TAF8: variants seen among roughly 807,000 people sequenced by gnomAD.
TAF8 encodes TATA-box binding protein associated factor 8.
Under a neutral mutation model 36.5 loss-of-function variants are expected in TAF8, and 47 were observed. The observed-to-expected ratio is 1.29, with a 90% CI of 1.02 to 1.64. The LOEUF is 1.64. Ranked by LOEUF, TAF8 falls within the 40% of genes most tolerant of loss-of-function variation. TAF8 has a pLI of 0.00. For missense variants in TAF8, 420 were observed against 407.6 expected (o/e 1.03, Z -0.26); for synonymous variants, 175 against 159.5 (o/e 1.10, Z -0.73).
At chr6:42,057,313 G>T in intron 4 of TAF8, 76 bp from the exon 5 acceptor site, 3 of 1,587,604 alleles carry the variant, frequency 1.9e-6, no homozygotes, top group Non-Finnish European at 2.6e-6. Flanking sequence ...GAGAAAAGGA[G>T]GCTTTGGGGA....
At position 42,077,881 on chromosome 6, in the gene TAF8, C is replaced by T. The variant is rs900236916; in HGVS notation, c.*336C>T. ...AAGTGATTCTCCTGCCTTGGCCTCC[C>T]GAGTAGCTGGGACTAGAGGCAAGCG... On this transcript the variant is annotated 3_prime_UTR_variant, in exon 9 of 9. Transcript: ENST00000372977. The T allele has an allele frequency of 5.5e-5, 29 of 525,110 alleles. No individual in the cohort carries two copies. Among genetic ancestry groups the T allele is most frequent in the Non-Finnish European group, 7.6e-5 (28 of 368,610 alleles). The allele number at this position is 525,110 out of a possible 1,614,324, so 32.5% of individuals were successfully genotyped here. A position where few individuals can be genotyped will look rare whatever the true frequency, so the allele number is the denominator to read the frequency against.
At chr6:42,074,262 TTAGGTGCCTGAAGTC>T (rs1199235751) in intron 7 of TAF8, among the ~76,000 whole-genome samples, 4 of 152,100 alleles carry the variant, frequency 2.6e-5, no homozygotes, top group Admixed American at 1.3e-4. Flanking sequence ...CAATTCAGAC[TTAGGTGCCTGAAGTC>T]TGAACTGCCT....
intron 2 of TAF8, 32 bp downstream of exon 2, chr6:42,051,545 C>G: frequency 6.2e-7 from 1 of 1,606,914 alleles, no homozygotes; most frequent in South Asian, 1.1e-5. Flanking sequence ...GCCTTGGAGT[C>G]AACCCCAACA....
intron 5 of TAF8, among the ~76,000 whole-genome samples, chr6:42,060,583 C>G (rs1328776389): frequency 6.6e-6 from 1 of 152,080 alleles, no homozygotes; most frequent in Non-Finnish European, 1.5e-5. Flanking sequence ...GGTTCCTGAG[C>G]CTGTTTGAAA....
chr6:42,052,328 C>CCCT (rs1491236570), intron 2 of TAF8, among the ~76,000 whole-genome samples: 16 of 101,482 alleles, frequency 1.6e-4, no homozygotes, highest in Middle Eastern at 4.7e-3. Context: ...CCCCCCCCCC[C>CCCT]TTTTTTTTTT....
chr6:42,057,232 C>T (rs1282450473), intron 4 of TAF8, among the ~76,000 whole-genome samples, 157 bp from the exon 5 acceptor site: 1 of 152,178 alleles, frequency 6.6e-6, no homozygotes, highest in East Asian at 1.9e-4. Flanking sequence ...CATTGTAAGC[C>T]ATCAAAGACC....
At chr6:42,058,253 A>G (rs1276693228) in intron 5 of TAF8, among the ~76,000 whole-genome samples, 2 of 152,162 alleles carry the variant, frequency 1.3e-5, no homozygotes, top group Non-Finnish European at 2.9e-5. Flanking sequence ...GCGTGGTGGC[A>G]CATACCTGTA....
In TAF8 at chr6:42,078,268, AT is replaced by A; in HGVS notation, c.*725del. The A allele has an allele frequency of 1.0e-6, 1 of 985,500 alleles. No homozygotes were observed. 61.0% of individuals were successfully genotyped at this position (985,500 alleles called of 1,614,324 possible). The stretch of plus-strand genomic sequence containing the variant: ...ACTTCGTTCATTATCACAGGATTTG[AT>A]TCCTTTGAAACTCAAGAGACCAGGG... On this transcript the variant is annotated 3_prime_UTR_variant, in exon 9 of 9. Transcript: ENST00000372977.
Position 42,077,442 on chromosome 6 carries a change from A to G in TAF8, c.921-91A>G. Reference sequence around the variant, plus strand: ...TGGTTGAGTGTCCTGCAGTCTAGGGACCAACCCTCACAGCACTGGAGCAGT... The same window carrying G: ...TGGTTGAGTGTCCTGCAGTCTAGGGGCCAACCCTCACAGCACTGGAGCAGT... On this transcript the variant is annotated intron_variant, in intron 8 of 8. Coordinates refer to ENST00000372977, the MANE Select transcript of TAF8 (RefSeq NM_138572.3). The G allele has an allele frequency of 5.1e-6, 8 of 1,577,890 alleles. No individual in the cohort carries two copies. The South Asian group carries it at 9.2e-5, about 18-fold the overall frequency.
rs1765361444 is a variant in TAF8 at position 42,066,379 on chromosome 6, T to C, written c.557T>C (p.Val186Ala). The change falls in exon 6 of 9, where the codon GTG becomes GCG. Residue 186 changes from valine (V) to alanine (A), a missense_variant. Physicochemically the swap from Val to Ala is moderately conservative, Grantham distance 64. Transcript: ENST00000372977. The part of the protein sequence containing the change: ...REKAASQRRD[V>A]ERALTRFMAK... ...AAGGCTGCATCCCAGAGGCGCGATG[T>C]GGAGCGGGCACTTACCCGTTTCATG... 1.2e-6 allele frequency: 2 copies of C among 1,614,246 alleles called. No homozygotes were observed. Among genetic ancestry groups the C allele is most frequent in the East Asian group, 4.5e-5 (2 of 44,888 alleles).
chr6:42,057,663 T>A, intron 5 of TAF8, 150 bp downstream of exon 5: 1 of 1,098,320 alleles, frequency 9.1e-7, no homozygotes, highest in Non-Finnish European at 1.3e-6. Flanking sequence ...CTCACACCTG[T>A]AATCCCAGCA....
At chr6:42,060,492 G>A (rs12214487) in intron 5 of TAF8, among the ~76,000 whole-genome samples, 12,376 of 152,160 alleles carry the variant, frequency 0.081, 625 homozygotes, top group East Asian at 0.15. Context: ...TTTAAAAGCC[G>A]AGCCCAGCCA....
At chr6:42,050,647 T>C (rs1416842065) in intron 1 of TAF8, 61 bp downstream of exon 1, 1 of 1,497,544 alleles carries the variant, frequency 6.7e-7, no homozygotes, top group Non-Finnish European at 9.0e-7. Flanking sequence ...AACTTTCCCC[T>C]CGACTGAGCA....
intron 7 of TAF8, among the ~76,000 whole-genome samples, chr6:42,071,719 T>C (rs925121729): frequency 1.3e-5 from 2 of 152,146 alleles, no homozygotes; most frequent in African/African-American, 4.8e-5. Flanking sequence ...AAATTGTTAT[T>C]GTACGCTTCT....
In TAF8 at chr6:42,080,691, C is replaced by T; in HGVS notation, c.*3146C>T. On this transcript the variant is annotated 3_prime_UTR_variant, in exon 9 of 9. Coordinates refer to ENST00000372977, the MANE Select transcript of TAF8 (RefSeq NM_138572.3). The stretch of plus-strand genomic sequence containing the variant: ...CGCGCCTGGCCTCAGAGGCTATACT[C>T]TTATAATTTTGTTCTGAGGGGAGAC... The T allele has an allele frequency of 1.0e-6, 1 of 985,080 alleles. No homozygotes were observed. Among genetic ancestry groups the T allele is most frequent in the Non-Finnish European group, 1.2e-6 (1 of 829,812 alleles). The allele number at this position is 985,080 out of a possible 1,614,324, so 61.0% of individuals were successfully genotyped here.
chr6:42,084,752 T>C (rs1300848730), downstream of TAF8, among the ~76,000 whole-genome samples: 2 of 152,196 alleles, frequency 1.3e-5, no homozygotes, highest in Admixed American at 6.6e-5. Flanking sequence ...CATGAGCTAC[T>C]GCACCTGGCC....
At chr6:42,055,894 C>G in intron 3 of TAF8, 58 bp from the exon 4 acceptor site, 1 of 1,146,214 alleles carries the variant, frequency 8.7e-7, no homozygotes, top group East Asian at 2.4e-5. Context: ...TACTACTATT[C>G]TTTCTGTATT....
chr6:42,078,419 C>T lies in TAF8; in HGVS notation c.*874C>T, dbSNP rs1042513921. On this transcript the variant is annotated 3_prime_UTR_variant, in exon 9 of 9. Coordinates refer to ENST00000372977, the MANE Select transcript of TAF8 (RefSeq NM_138572.3). ...CTCACAATTTGTGGCACCACTTTCTCATCCCAGAACTTCATTCTTATTTCT... is the reference window on the plus strand; with the variant it reads ...CTCACAATTTGTGGCACCACTTTCTTATCCCAGAACTTCATTCTTATTTCT... The T allele has an allele frequency of 2.0e-6, 2 of 985,498 alleles. No homozygotes were observed. The highest frequency in any genetic ancestry group is 2.4e-6 in the Non-Finnish European group (2 of 829,958). The allele number at this position is 985,498 out of a possible 1,614,324, so 61.0% of individuals were successfully genotyped here.
chr6:42,070,113 AGAG>A (rs1483124123), intron 7 of TAF8, among the ~76,000 whole-genome samples: 1 of 152,114 alleles, frequency 6.6e-6, no homozygotes, highest in African/African-American at 2.4e-5. Context: ...GGAGGAGAGA[AGAG>A]GAGTCAGTGA....
Sources: gnomAD v4.1 joint callset for allele counts (sites outside exome capture counted in the v4.1 genomes callset) on GRCh38, gnomAD v4.1.1 for gene constraint, MANE v1.5 for transcripts, NCBI Gene and HGNC (gene_info 2026-07-23, HGNC 2026-07-21) for gene names.